Variants in SAMD5 observed in about 807,000 individuals in gnomAD.
SAMD5 encodes sterile alpha motif domain containing 5.
Under a neutral mutation model 11.3 loss-of-function variants are expected in SAMD5, and 13 were observed. That is an observed-to-expected ratio of 1.15 (90% CI 0.75 to 1.83). SAMD5 has a LOEUF of 1.83. Ranked by LOEUF, SAMD5 falls within the 40% of genes most tolerant of loss-of-function variation. The pLI is 0.00. For synonymous variants in SAMD5, 129 were observed against 111.3 expected, an observed-to-expected ratio of 1.16 and a Z score of -1.00; for missense variants, 255 against 239.1, an observed-to-expected ratio of 1.07 and a Z score of -0.44.
At chr6:147,765,047 G>T in the SAMD5 span, among the ~76,000 whole-genome samples, 3 of 152,142 alleles carry the variant, frequency 2.0e-5, no homozygotes, top group Non-Finnish European at 4.4e-5. Flanking sequence ...AAGCTTGTCT[G>T]CTCTGTGCAA....
chr6:147,864,058 G>C, the SAMD5 span, among the ~76,000 whole-genome samples: 5 of 151,852 alleles, frequency 3.3e-5, no homozygotes, highest in Non-Finnish European at 5.9e-5. Flanking sequence ...TGGCCAGGCT[G>C]GTCTCAAACT....
the SAMD5 span, among the ~76,000 whole-genome samples, chr6:147,871,826 T>C: frequency 0.38 from 57,122 of 152,010 alleles, 11,109 homozygotes; most frequent in East Asian, 0.48. Flanking sequence ...CTTCCCCTAC[T>C]GTAATTCCTG....
intron 1 of SAMD5, among the ~76,000 whole-genome samples, chr6:147,513,426 G>A (rs1442984537): frequency 6.6e-6 from 1 of 152,174 alleles, no homozygotes; most frequent in African/African-American, 2.4e-5. Flanking sequence ...CAGATTCCTG[G>A]TTTAAGATTG....
chr6:147,780,375 T>C, the SAMD5 span, among the ~76,000 whole-genome samples: 1 of 152,030 alleles, frequency 6.6e-6, no homozygotes, highest in East Asian at 1.9e-4. Flanking sequence ...CCCTGGCTAA[T>C]TTTTGTATTT....
chr6:147,935,907 G>A, the SAMD5 span, among the ~76,000 whole-genome samples: 1 of 152,316 alleles, frequency 6.6e-6, no homozygotes, highest in East Asian at 1.9e-4. Context: ...GAAGAATTTA[G>A]AGGGAGTGGA....
chr6:147,932,663 G>A, the SAMD5 span, among the ~76,000 whole-genome samples: 2 of 149,874 alleles, frequency 1.3e-5, no homozygotes, highest in Non-Finnish European at 3.0e-5. Context: ...TGAAAATAAG[G>A]TGTTGCTCAA....
At chr6:147,834,657 A>G in the SAMD5 span, among the ~76,000 whole-genome samples, 31 of 152,316 alleles carry the variant, frequency 2.0e-4, no homozygotes, top group South Asian at 5.4e-3. Context: ...TTACCACTGT[A>G]TTTATAGCAA....
intron 1 of SAMD5, among the ~76,000 whole-genome samples, chr6:147,545,244 TAG>T (rs1473249064): frequency 2.0e-5 from 3 of 152,236 alleles, no homozygotes; most frequent in African/African-American, 4.8e-5. Context: ...TATTCTTTAA[TAG>T]ATAATAGTAA....
intron 1 of SAMD5, among the ~76,000 whole-genome samples, chr6:147,707,097 C>T (rs1277391721): frequency 2.0e-5 from 3 of 152,168 alleles, no homozygotes; most frequent in Admixed American, 2.0e-4. Context: ...AAGTTTTAGT[C>T]ATTAGAGAGG....
At chr6:147,890,774 G>A in the SAMD5 span, among the ~76,000 whole-genome samples, 4 of 151,490 alleles carry the variant, frequency 2.6e-5, no homozygotes, top group Non-Finnish European at 4.4e-5. Context: ...TTTAACAGAA[G>A]TTAAATAATT....
At chr6:147,836,130 C>A in the SAMD5 span, among the ~76,000 whole-genome samples, 1 of 152,166 alleles carries the variant, frequency 6.6e-6, no homozygotes, top group Non-Finnish European at 1.5e-5. Context: ...ACCTCCCAAC[C>A]CCAGTATTTT....
the SAMD5 span, among the ~76,000 whole-genome samples, chr6:147,829,578 T>A: frequency 1.3e-5 from 2 of 152,214 alleles, no homozygotes; most frequent in Non-Finnish European, 2.9e-5. Flanking sequence ...TGAATATATT[T>A]ATATATGCAT....
chr6:147,743,618 C>G, the SAMD5 span, among the ~76,000 whole-genome samples: 1 of 152,062 alleles, frequency 6.6e-6, no homozygotes, highest in Non-Finnish European at 1.5e-5. Flanking sequence ...TTATTTGAAG[C>G]AAATGCATAT....
the SAMD5 span, among the ~76,000 whole-genome samples, chr6:147,892,785 A>G: frequency 6.6e-6 from 1 of 152,210 alleles, no homozygotes; most frequent in Non-Finnish European, 1.5e-5. Context: ...ATTCTTTCAG[A>G]TTAGATTTAG....
intron 1 of SAMD5, among the ~76,000 whole-genome samples, chr6:147,554,595 C>G (rs17076943): frequency 0.032 from 4,937 of 152,126 alleles, 260 homozygotes; most frequent in African/African-American, 0.11. Context: ...CATGTTTTTT[C>G]CAGGCAGAGC....
chr6:147,629,730 T>C (rs1481631874), intron 1 of SAMD5, among the ~76,000 whole-genome samples: 2 of 152,206 alleles, frequency 1.3e-5, no homozygotes, highest in Non-Finnish European at 2.9e-5. Context: ...CATGGACTGT[T>C]ATCCCTAGAT....
chr6:147,724,029 A>G (rs1250913437), intron 1 of SAMD5, among the ~76,000 whole-genome samples: 2 of 152,218 alleles, frequency 1.3e-5, no homozygotes, highest in African/African-American at 2.4e-5. Flanking sequence ...ATTTATCCTC[A>G]TGCAAAAAAT....
chr6:147,508,896 A>T lies in SAMD5; in HGVS notation c.-33A>T. 6.3e-7 allele frequency: 1 copy of T among 1,583,900 alleles called. No individual in the cohort carries two copies. Among genetic ancestry groups the T allele is most frequent in the Non-Finnish European group, 8.6e-7 (1 of 1,166,444 alleles). On this transcript the variant is annotated 5_prime_UTR_variant, in exon 1 of 2. Coordinates refer to ENST00000367474, the MANE Select transcript of SAMD5 (RefSeq NM_001030060.3). ...CCGCCCGTGCCATTTGGGCGCTGGG[A>T]AGGTGCTCGGCGGCGGGGTTCCCGG...
At chr6:147,606,956 C>T (rs1789710539) in intron 1 of SAMD5, among the ~76,000 whole-genome samples, 1 of 84,556 alleles carries the variant, frequency 1.2e-5, no homozygotes, top group South Asian at 4.7e-4. Flanking sequence ...TCTGTAGCAG[C>T]TTTATCCAAA....
Sources: allele counts gnomAD v4.1 joint callset (sites outside exome capture counted in the v4.1 genomes callset), GRCh38; gene constraint gnomAD v4.1.1; transcripts MANE v1.5; gene names NCBI Gene and HGNC (gene_info 2026-07-23, HGNC 2026-07-21).